SLC10A7: variants seen among roughly 807,000 people sequenced by gnomAD.
SLC10A7 encodes the protein solute carrier family 10 member 7.
Under a neutral mutation model 43.2 loss-of-function variants are expected in SLC10A7, and 29 were observed. That is an observed-to-expected ratio of 0.67 (90% CI 0.50 to 0.92). The LOEUF is 0.92. Ranked by LOEUF, SLC10A7 falls within the 40% of genes least tolerant of loss-of-function variation. The pLI is 0.00. For missense variants in SLC10A7, 295 were observed against 403.2 expected, an observed-to-expected ratio of 0.73 and a Z score of 2.30; for synonymous variants, 152 against 144.8, an observed-to-expected ratio of 1.05 and a Z score of -0.35.
intron 10 of SLC10A7, among the ~76,000 whole-genome samples, chr4:146,275,187 A>C (rs747961772): frequency 2.6e-5 from 4 of 152,152 alleles, no homozygotes; most frequent in Non-Finnish European, 5.9e-5. Context: ...TTGTTTTTAA[A>C]TTTTTATTTC....
intron 5 of SLC10A7, among the ~76,000 whole-genome samples, chr4:146,435,761 T>G (rs1730162287): frequency 6.6e-6 from 1 of 152,208 alleles, no homozygotes; most frequent in East Asian, 1.9e-4. Flanking sequence ...TAGGCTGGAT[T>G]CAAATTAAGG....
At chr4:146,387,834 T>C (rs1579059233) in intron 5 of SLC10A7, among the ~76,000 whole-genome samples, 1 of 151,972 alleles carries the variant, frequency 6.6e-6, no homozygotes, top group Admixed American at 6.5e-5. Flanking sequence ...TTATAATACA[T>C]ACCAAAAAAA....
At chr4:146,338,305 G>A (rs978144788) in intron 5 of SLC10A7, among the ~76,000 whole-genome samples, 3 of 151,900 alleles carry the variant, frequency 2.0e-5, no homozygotes, top group Non-Finnish European at 4.4e-5. Flanking sequence ...ACTGTTCTAT[G>A]CTCTTTATAT....
intron 5 of SLC10A7, among the ~76,000 whole-genome samples, chr4:146,378,334 A>G (rs1292800321): frequency 1.3e-5 from 2 of 152,314 alleles, no homozygotes; most frequent in East Asian, 3.9e-4. Flanking sequence ...GAATAACGAT[A>G]ATGTTCTGGT....
At chr4:146,457,091 T>C (rs1732129869) in intron 4 of SLC10A7, among the ~76,000 whole-genome samples, 1 of 151,988 alleles carries the variant, frequency 6.6e-6, no homozygotes, top group African/African-American at 2.4e-5. Flanking sequence ...ATAGGCAATA[T>C]ATAAACTAAT....
At chr4:146,308,286 G>A (rs1383433120) in intron 6 of SLC10A7, among the ~76,000 whole-genome samples, 1 of 152,114 alleles carries the variant, frequency 6.6e-6, no homozygotes, top group Non-Finnish European at 1.5e-5. Context: ...CCTCAGTACT[G>A]GAGTCTAATT....
chr4:146,509,301 T>G (rs1382470408), intron 3 of SLC10A7, among the ~76,000 whole-genome samples: 1 of 152,202 alleles, frequency 6.6e-6, no homozygotes, highest in Non-Finnish European at 1.5e-5. Context: ...CTTGAATCAA[T>G]GAATATGCAA....
At chr4:146,437,852 A>G (rs543777871) in intron 5 of SLC10A7, among the ~76,000 whole-genome samples, 1 of 152,148 alleles carries the variant, frequency 6.6e-6, no homozygotes, top group East Asian at 1.9e-4. Flanking sequence ...ACCATTCTAA[A>G]TATTTCAGAA....
At chr4:146,383,010 C>T (rs796983359) in intron 5 of SLC10A7, among the ~76,000 whole-genome samples, 4 of 152,084 alleles carry the variant, frequency 2.6e-5, no homozygotes, top group South Asian at 2.1e-4. Flanking sequence ...CATGGCTCCC[C>T]GATTTTCTTC....
Position 146,380,248 on chromosome 4 carries a change from C to T in SLC10A7, c.436-54252G>A, listed in dbSNP as rs147547704. Reference sequence around the variant, plus strand: ...TCACAATAATAATGAAGAAAAAAATCCCATAGTTTTGACAGTATGTGAATT... The same window carrying T: ...TCACAATAATAATGAAGAAAAAAATTCCATAGTTTTGACAGTATGTGAATT... On this transcript the variant is annotated intron_variant, in intron 5 of 11. Coordinates refer to ENST00000335472, the MANE Select transcript of SLC10A7 (RefSeq NM_001029998.6). Among the ~76,000 whole-genome samples, 206 of 152,176 alleles carry T rather than the reference C, an allele frequency of 1.4e-3. 2 individuals are homozygous for T. The highest frequency in any genetic ancestry group is 4.4e-3 in the African/African-American group (183 of 41,504).
intron 7 of SLC10A7, among the ~76,000 whole-genome samples, chr4:146,297,037 C>T (rs772101209): frequency 2.6e-5 from 4 of 152,156 alleles, no homozygotes; most frequent in Non-Finnish European, 5.9e-5. Context: ...ATATAGATGC[C>T]TCAGAATTCT....
At chr4:146,317,101 A>G (rs1317019126) in intron 6 of SLC10A7, among the ~76,000 whole-genome samples, 1 of 152,082 alleles carries the variant, frequency 6.6e-6, no homozygotes, top group Non-Finnish European at 1.5e-5. Flanking sequence ...CCTCTCTACA[A>G]ATAGAGTGTG....
intron 5 of SLC10A7, among the ~76,000 whole-genome samples, chr4:146,395,376 C>T (rs920503183): frequency 6.6e-6 from 1 of 152,092 alleles, no homozygotes; most frequent in Admixed American, 6.6e-5. Context: ...GGTAACAGAG[C>T]AAAACACTGT....
At chr4:146,366,868 A>G (rs1363070361) in intron 5 of SLC10A7, among the ~76,000 whole-genome samples, 1 of 152,188 alleles carries the variant, frequency 6.6e-6, no homozygotes, top group Non-Finnish European at 1.5e-5. Flanking sequence ...TTCCTTTATC[A>G]CACAAACAAA....
intron 5 of SLC10A7, among the ~76,000 whole-genome samples, chr4:146,331,224 CCAAAA>C (rs752758191): frequency 6.6e-6 from 1 of 152,006 alleles, no homozygotes; most frequent in Non-Finnish European, 1.5e-5. Flanking sequence ...TAACAATTGA[CCAAAA>C]CTTGGAAATG....
chr4:146,355,111 A>G (rs1271900634), intron 5 of SLC10A7, among the ~76,000 whole-genome samples: 38 of 146,340 alleles, frequency 2.6e-4, no homozygotes, highest in East Asian at 6.0e-4. Flanking sequence ...AACCTACAAC[A>G]TGGGAGAAAA....
At chr4:146,410,599 C>T (rs943177604) in intron 5 of SLC10A7, among the ~76,000 whole-genome samples, 3 of 151,990 alleles carry the variant, frequency 2.0e-5, no homozygotes, top group African/African-American at 7.2e-5. Context: ...AATAAGTTGT[C>T]CAAAGTTACC....
chr4:146,306,331 A>G (rs1731567462), intron 6 of SLC10A7, among the ~76,000 whole-genome samples: 1 of 152,158 alleles, frequency 6.6e-6, no homozygotes, highest in Non-Finnish European at 1.5e-5. Flanking sequence ...CAACAATTAC[A>G]GGTTATGTGA....
chr4:146,387,501 A>G (rs11930791), intron 5 of SLC10A7, among the ~76,000 whole-genome samples: 32,705 of 152,122 alleles, frequency 0.21, 3,664 homozygotes, highest in African/African-American at 0.27. Context: ...GGAAAAGTTG[A>G]AAGCATTCCC....
Sources: allele counts gnomAD v4.1 joint callset (sites outside exome capture counted in the v4.1 genomes callset), GRCh38; gene constraint gnomAD v4.1.1; transcripts MANE v1.5; gene names NCBI Gene and HGNC (gene_info 2026-07-23, HGNC 2026-07-21).